The following PLPPR1 variants were observed in gnomAD, a reference collection of about 807,000 sequenced individuals.
PLPPR1 encodes phospholipid phosphatase-related protein type 1.
PLPPR1 carries 10 observed loss-of-function variants against 33.1 expected under a neutral mutation model. That is an observed-to-expected ratio of 0.30 (90% CI 0.19 to 0.51). The LOEUF is 0.51. Ranked by LOEUF, PLPPR1 falls within the 20% of genes least tolerant of loss-of-function variation. The pLI is 0.97. For synonymous variants in PLPPR1, 151 were observed against 151.0 expected (o/e 1.00, Z 0.00); for missense variants, 304 against 408.1 (o/e 0.74, Z 2.20).
At position 101,239,870 on chromosome 9, in the gene PLPPR1, C is replaced by T. The variant is rs377278305; in HGVS notation, c.64-30010C>T. On this transcript the variant is annotated intron_variant, in intron 2 of 7. Transcript: ENST00000374874. ...GGTTCTTCCTTCACACTGTTGTTTC[C>T]TTTGCTGTGCAGAAGCTTTTGAGTG... Among the ~76,000 whole-genome samples, 4 of 152,062 alleles carry T rather than the reference C, an allele frequency of 2.6e-5. No homozygotes were observed. The East Asian group carries it at 7.8e-4, about 29-fold the overall frequency.
chr9:101,040,940 A>C (rs562912690), intron 1 of PLPPR1, among the ~76,000 whole-genome samples: 1 of 152,218 alleles, frequency 6.6e-6, no homozygotes, highest in Non-Finnish European at 1.5e-5. Context: ...TATCGTCTTG[A>C]GAATGGATTT....
chr9:101,083,666 C>T (rs1257671616), intron 1 of PLPPR1, among the ~76,000 whole-genome samples: 1 of 152,122 alleles, frequency 6.6e-6, no homozygotes, highest in African/African-American at 2.4e-5. Context: ...GAGGAGTGAT[C>T]GCTTACCATG....
At chr9:101,150,936 C>T (rs549599334) in intron 1 of PLPPR1, among the ~76,000 whole-genome samples, 24 of 152,026 alleles carry the variant, frequency 1.6e-4, no homozygotes, top group Non-Finnish European at 2.8e-4. Context: ...CTGAGGCATA[C>T]ATGTTCACTC....
At chr9:101,190,312 C>T (rs1229832316) in intron 2 of PLPPR1, among the ~76,000 whole-genome samples, 1 of 145,392 alleles carries the variant, frequency 6.9e-6, no homozygotes, top group Non-Finnish European at 1.5e-5. Context: ...TCCACAAACA[C>T]TTATTCAGTA....
intron 1 of PLPPR1, among the ~76,000 whole-genome samples, chr9:101,147,862 G>A (rs184834485): frequency 6.6e-6 from 1 of 152,312 alleles, no homozygotes; most frequent in East Asian, 1.9e-4. Context: ...GTAAGTGGCA[G>A]AAATGGAATG....
chr9:101,079,683 G>A lies in PLPPR1; in HGVS notation c.-46+50581G>A, dbSNP rs546555291. Among the ~76,000 whole-genome samples the A allele has an allele frequency of 7.2e-5, 11 of 151,868 alleles. No individual in the cohort carries two copies. In the South Asian group the frequency reaches 1.7e-3, roughly 23 times the overall value. On this transcript the variant is annotated intron_variant, in intron 1 of 7. Coordinates refer to ENST00000374874, the MANE Select transcript of PLPPR1 (RefSeq NM_207299.2). ...CAACCTCTGTCTCCCAGGTTCACGC[G>A]ATTCTCCTGCCTCAGCCTCCTGAGT...
chr9:101,307,225 T>C (rs555266830), intron 4 of PLPPR1, among the ~76,000 whole-genome samples: 1 of 152,296 alleles, frequency 6.6e-6, no homozygotes, highest in African/African-American at 2.4e-5. Context: ...ATACAATCGC[T>C]GTGACCACAG....
At chr9:101,300,921 G>A (rs1417488474) in intron 4 of PLPPR1, among the ~76,000 whole-genome samples, 1 of 152,168 alleles carries the variant, frequency 6.6e-6, no homozygotes, top group African/African-American at 2.4e-5. Flanking sequence ...GAGGCTAGGT[G>A]GCAAGAGAGA....
chr9:101,097,732 C>T (rs901976598), intron 1 of PLPPR1, among the ~76,000 whole-genome samples: 4 of 152,134 alleles, frequency 2.6e-5, no homozygotes, highest in Admixed American at 2.6e-4. Context: ...GAATGGAATC[C>T]ACCCAGAGGA....
At chr9:101,317,247 C>A in intron 6 of PLPPR1, 118 bp from the exon 7 acceptor site, 1 of 1,105,082 alleles carries the variant, frequency 9.0e-7, no homozygotes, top group Non-Finnish European at 1.3e-6. Context: ...TCCCCTCTCT[C>A]AAAGGAAAAA....
At chr9:101,045,403 T>C (rs1348113777) in intron 1 of PLPPR1, among the ~76,000 whole-genome samples, 1 of 151,998 alleles carries the variant, frequency 6.6e-6, no homozygotes, top group East Asian at 1.9e-4. Flanking sequence ...TGAATGGAAG[T>C]GTAATAAGTA....
At chr9:101,060,898 C>CT (rs1286076924) in intron 1 of PLPPR1, among the ~76,000 whole-genome samples, 3 of 151,778 alleles carry the variant, frequency 2.0e-5, no homozygotes, top group Non-Finnish European at 2.9e-5. Context: ...TCACTCCCTC[C>CT]TTTTTTTAAC....
chr9:101,207,613 G>A (rs1387984509), intron 2 of PLPPR1, among the ~76,000 whole-genome samples: 1 of 152,126 alleles, frequency 6.6e-6, no homozygotes, highest in East Asian at 1.9e-4. Flanking sequence ...TTACGAGGCT[G>A]TATGATACTG....
chr9:101,073,102 G>C (rs1405585641), intron 1 of PLPPR1, among the ~76,000 whole-genome samples: 6 of 152,050 alleles, frequency 3.9e-5, no homozygotes, highest in Non-Finnish European at 8.8e-5. Context: ...GAGAGGAATG[G>C]GTCTGGGTTA....
At chr9:101,275,076 G>C (rs1048309501) in intron 3 of PLPPR1, among the ~76,000 whole-genome samples, 3 of 152,222 alleles carry the variant, frequency 2.0e-5, no homozygotes, top group Non-Finnish European at 1.5e-5. Context: ...GAACTGCACA[G>C]TTGTTTATTC....
chr9:101,039,632 A>G (rs1427102464), intron 1 of PLPPR1, among the ~76,000 whole-genome samples: 1 of 152,174 alleles, frequency 6.6e-6, no homozygotes, highest in African/African-American at 2.4e-5. Flanking sequence ...GAGAACTCAC[A>G]GTTCCACGTG....
intron 3 of PLPPR1, among the ~76,000 whole-genome samples, chr9:101,282,272 A>G (rs1828318080): frequency 6.6e-6 from 1 of 152,216 alleles, no homozygotes. Context: ...ACACAAATCA[A>G]TAAATGTAGT....
chr9:101,056,197 T>C (rs1830276013), intron 1 of PLPPR1, among the ~76,000 whole-genome samples: 1 of 152,182 alleles, frequency 6.6e-6, no homozygotes, highest in South Asian at 2.1e-4. Context: ...AAAAATATGA[T>C]CTTCTGCCAG....
intron 2 of PLPPR1, among the ~76,000 whole-genome samples, chr9:101,222,601 C>G (rs1378228128): frequency 6.6e-6 from 1 of 152,056 alleles, no homozygotes; most frequent in Non-Finnish European, 1.5e-5. Context: ...GATTTAAAAG[C>G]CATAGTCTCA....
Sources: allele counts gnomAD v4.1 joint callset (sites outside exome capture counted in the v4.1 genomes callset), GRCh38; gene constraint gnomAD v4.1.1; transcripts MANE v1.5; gene names NCBI Gene and HGNC (gene_info 2026-07-23, HGNC 2026-07-21).